Variants in GAL3ST1 observed in about 807,000 individuals in gnomAD.
The protein encoded by GAL3ST1 is galactose-3-O-sulfotransferase 1.
In GAL3ST1, 13 loss-of-function variants were observed where a neutral mutation model predicts 25.0. The ratio of observed to expected loss-of-function variants is 0.52; its 90% CI spans 0.34 to 0.83. The LOEUF is 0.83. Ranked by LOEUF, GAL3ST1 falls within the 40% of genes least tolerant of loss-of-function variation. GAL3ST1 has a pLI of 0.02. For synonymous variants in GAL3ST1, 274 were observed against 277.8 expected (o/e 0.99, Z 0.14); for missense variants, 474 against 613.6 (o/e 0.77, Z 2.40).
intron 1 of GAL3ST1, among the ~76,000 whole-genome samples, chr22:30,573,125 G>A (rs1048554446): frequency 3.0e-4 from 45 of 152,290 alleles, no homozygotes; most frequent in Admixed American, 2.6e-3. Flanking sequence ...TCGTTGTCTC[G>A]GCTCCCGGGG....
At chr22:30,573,780 C>A (rs2086839416) in intron 1 of GAL3ST1, among the ~76,000 whole-genome samples, 1 of 152,218 alleles carries the variant, frequency 6.6e-6, no homozygotes, top group South Asian at 2.1e-4. Context: ...GGGCAGGGCT[C>A]GGTCTGTAGT....
chr22:30,559,697 TG>T (rs1174868181), intron 1 of GAL3ST1, among the ~76,000 whole-genome samples: 2 of 152,184 alleles, frequency 1.3e-5, no homozygotes, highest in African/African-American at 4.8e-5. Context: ...TTATTTGTTT[TG>T]GGGGATGATC....
In GAL3ST1 at chr22:30,555,543, G is replaced by A. The variant is rs1002259795; in HGVS notation, c.682C>T (p.Leu228=). The A allele has an allele frequency of 6.2e-7, 1 of 1,613,680 alleles. No homozygotes were observed. ...TGCACCTGCGGGCTGCTGGGGTCCA[G>A]GCTGTTGTCATAGCCCAGGTCGAAG... ...LFFDLGYDNS[L]DPSSPQVQEH... is the part of the protein sequence containing the mutation. Residue 228 remains leucine (L), a synonymous_variant, in exon 4 of 4, where the codon CTG becomes TTG. Coordinates refer to ENST00000406361, the MANE Select transcript of GAL3ST1 (RefSeq NM_001318104.2). This position sits in a 1 kb window ranked among gnomAD's most constrained non-coding sequence, Gnocchi z 8.6.
At chr22:30,573,734 T>C (rs1415330265) in intron 1 of GAL3ST1, among the ~76,000 whole-genome samples, 1 of 152,210 alleles carries the variant, frequency 6.6e-6, no homozygotes, top group African/African-American at 2.4e-5. Flanking sequence ...CCATCACCTC[T>C]CTGGCTCTGG....
intron 1 of GAL3ST1, among the ~76,000 whole-genome samples, chr22:30,564,078 G>A (rs1199227918): frequency 6.6e-6 from 1 of 152,072 alleles, no homozygotes; most frequent in Non-Finnish European, 1.5e-5. Context: ...AACACTTCTG[G>A]TCCCAAGCAT....
intron 1 of GAL3ST1, among the ~76,000 whole-genome samples, chr22:30,566,831 G>A (rs563341451): frequency 7.2e-5 from 11 of 152,208 alleles, no homozygotes; most frequent in East Asian, 1.9e-4. Flanking sequence ...GGATGGTCTC[G>A]ATCTCCTGAC....
Position 30,555,685 on chromosome 22 carries a change from C to G in GAL3ST1, c.540G>C (p.Val180=), listed in dbSNP as rs1231214218. 1 of 1,613,752 alleles carries G rather than the reference C, an allele frequency of 6.2e-7. No individual in the cohort carries two copies. The highest frequency in any genetic ancestry group is 1.3e-5 in the African/African-American group (1 of 74,942). ...FESSFHYFGP[V]VPLTWKLSAG... The stretch of plus-strand genomic sequence containing the variant: ...CCGAGAGCTTCCACGTGAGGGGCAC[C>G]ACCGGCCCGAAGTAGTGGAAGGAGG... The change falls in exon 4 of 4, where the codon GTG becomes GTC. Residue 180 remains valine, a synonymous_variant. Transcript: ENST00000406361. This position sits in a 1 kb window ranked among gnomAD's most constrained non-coding sequence, Gnocchi z 8.6.
rs2085923518 is a variant in GAL3ST1 at position 30,555,218 on chromosome 22, T to C, written c.1007A>G (p.His336Arg). The C allele has an allele frequency of 3.8e-6, 6 of 1,598,692 alleles. No individual in the cohort carries two copies. The highest frequency in any genetic ancestry group is 5.1e-6 in the Non-Finnish European group (6 of 1,175,422). Residue 336 changes from histidine (H) to arginine (R), a missense_variant, in exon 4 of 4, where the codon CAT becomes CGT. Physicochemically the swap from His to Arg is conservative, Grantham distance 29 (BLOSUM62 0). Around this residue, in one of 2 missense-constraint regions of GAL3ST1, gnomAD observed 359 missense variants for 504.4 expected, o/e 0.71. Transcript: ENST00000406361. This position sits in a 1 kb window ranked among gnomAD's most constrained non-coding sequence, Gnocchi z 8.6. ...RMAREVAALR[H>R]ANERMRTICI... ...GATGGTCCGCATGCGCTCGTTGGCA[T>C]GGCGCAGGGCGGCCACCTCGCGGGC...
intron 2 of GAL3ST1, chr22:30,557,625 T>G (rs973316334): frequency 2.1e-6 from 1 of 468,232 alleles, no homozygotes; most frequent in South Asian, 4.5e-5. Context: ...CAAAGAGAGG[T>G]TGGGGAATGG....
chr22:30,568,347 C>A (rs1035914872), intron 1 of GAL3ST1, among the ~76,000 whole-genome samples: 1 of 152,206 alleles, frequency 6.6e-6, no homozygotes, highest in Admixed American at 6.5e-5. Context: ...AGTGTCCTCA[C>A]ATAACTGGGT....
At chr22:30,566,894 C>T (rs2086642769) in intron 1 of GAL3ST1, among the ~76,000 whole-genome samples, 1 of 152,174 alleles carries the variant, frequency 6.6e-6, no homozygotes, top group Admixed American at 6.5e-5. Flanking sequence ...CAGGCGTGAG[C>T]CACCACGCCC....
Position 30,556,057 on chromosome 22 carries a change from T to G in GAL3ST1, c.168A>C (p.Ala56=). 3 of 1,611,188 alleles carry G rather than the reference T, an allele frequency of 1.9e-6. No homozygotes were observed. The highest frequency in any genetic ancestry group is 2.5e-6 in the Non-Finnish European group (3 of 1,179,752). ...CCCGGATCACTGCCTCTGGCTCGAG[T>G]GCAGGTGGAGAGCAGGACGCTGCGG... ...PEAAASCSPP[A]LEPEAVIRAN... The change falls in exon 4 of 4, where the codon GCA becomes GCC. Residue 56 remains alanine, a synonymous_variant. Transcript: ENST00000406361.
intron 1 of GAL3ST1, among the ~76,000 whole-genome samples, chr22:30,564,484 T>A (rs1379304879): frequency 6.6e-6 from 1 of 152,008 alleles, no homozygotes; most frequent in Non-Finnish European, 1.5e-5. Context: ...TCCCACCTCC[T>A]CCACCCACAG....
intron 1 of GAL3ST1, among the ~76,000 whole-genome samples, chr22:30,564,013 G>C (rs1170674080): frequency 6.6e-6 from 1 of 152,074 alleles, no homozygotes; most frequent in Non-Finnish European, 1.5e-5. Flanking sequence ...CCATCTCCAA[G>C]ATATCTCATT....
At chr22:30,564,063 T>C (rs1000828838) in intron 1 of GAL3ST1, among the ~76,000 whole-genome samples, 2 of 152,184 alleles carry the variant, frequency 1.3e-5, no homozygotes, top group Non-Finnish European at 2.9e-5. Context: ...AAATCTGAAA[T>C]CCGAAACACT....
At chr22:30,563,190 T>C (rs2086503699) in intron 1 of GAL3ST1, 2 of 152,178 alleles carry the variant, frequency 1.3e-5, no homozygotes. Flanking sequence ...CCAAAACTTT[T>C]TGAATGCCTA....
intron 1 of GAL3ST1, among the ~76,000 whole-genome samples, chr22:30,567,717 C>G (rs893176069): frequency 2.6e-5 from 4 of 151,936 alleles, no homozygotes; most frequent in Admixed American, 1.3e-4. Context: ...GAGTTGCACT[C>G]TTGTCACCCA....
At chr22:30,563,956 G>A (rs2086536974) in intron 1 of GAL3ST1, among the ~76,000 whole-genome samples, 2 of 150,952 alleles carry the variant, frequency 1.3e-5, no homozygotes, top group Non-Finnish European at 1.5e-5. Flanking sequence ...CAATAAGAAA[G>A]AAAGAAACAT....
intron 3 of GAL3ST1, among the ~76,000 whole-genome samples, chr22:30,556,711 A>C (rs1378464354): frequency 6.6e-6 from 1 of 152,090 alleles, no homozygotes; most frequent in Non-Finnish European, 1.5e-5. Context: ...TCTATGAGGA[A>C]GGCTCTGGGT....
Sources: allele counts gnomAD v4.1 joint callset (sites outside exome capture counted in the v4.1 genomes callset), GRCh38; gene constraint gnomAD v4.1.1; regional missense constraint gnomAD v4.1.1; non-coding constraint Gnocchi (gnomAD v3.1); transcripts MANE v1.5; gene names NCBI Gene and HGNC (gene_info 2026-07-23, HGNC 2026-07-21).